Variants in ANKS1B observed in about 807,000 individuals in gnomAD.
ANKS1B encodes ankyrin repeat and sterile alpha motif domain containing 1B.
In ANKS1B, 36 loss-of-function variants were observed where a neutral mutation model predicts 148.3. That is an observed-to-expected ratio of 0.24 (90% confidence interval 0.19 to 0.32). ANKS1B has a LOEUF of 0.32. Among genes scored for constraint, ANKS1B ranks in the 10% least tolerant of loss-of-function variants. The pLI is 1.00. For missense variants in ANKS1B, 1,157 were observed against 1,542.6 expected, an observed-to-expected ratio of 0.75 and a Z score of 4.19; for synonymous variants, 542 against 560.8, an observed-to-expected ratio of 0.97 and a Z score of 0.47.
intron 3 of ANKS1B, among the ~76,000 whole-genome samples, chr12:99,811,285 G>C (rs908271400): frequency 4.0e-5 from 6 of 151,802 alleles, no homozygotes; most frequent in Admixed American, 1.3e-4. Context: ...TGCTTTATTA[G>C]ATATGCTTGC....
intron 8 of ANKS1B, among the ~76,000 whole-genome samples, chr12:99,728,950 C>T (rs564781640): frequency 1.5e-4 from 23 of 151,990 alleles, no homozygotes; most frequent in South Asian, 2.1e-4. Flanking sequence ...ACACATTTAG[C>T]GGACAACAGC....
In ANKS1B at chr12:99,200,146, A is replaced by G. The variant is rs189170751; in HGVS notation, c.2419+44196T>C. Reference sequence around the variant, plus strand: ...TCTAACAAAAGTGGTTCCTGCAAAAAGGAGAGATGGGGCACAACTAGAAGA... The same window carrying G: ...TCTAACAAAAGTGGTTCCTGCAAAAGGGAGAGATGGGGCACAACTAGAAGA... On this transcript the variant is annotated intron_variant, in intron 14 of 26. Coordinates refer to ENST00000683438, the MANE Select transcript of ANKS1B (RefSeq NM_001352186.2). 8.7e-3 allele frequency among the ~76,000 whole-genome samples: 1,321 copies of G among 152,322 alleles called. 22 individuals carry two copies. Among genetic ancestry groups the G allele is most frequent in the African/African-American group, 0.03 (1,267 of 41,562 alleles).
intron 1 of ANKS1B, among the ~76,000 whole-genome samples, chr12:99,909,628 C>G: frequency 6.6e-6 from 1 of 151,896 alleles, no homozygotes; most frequent in Non-Finnish European, 1.5e-5. Context: ...ACTATTTTTC[C>G]ATATTATAAC....
At chr12:99,768,438 T>C (rs930813163) in intron 8 of ANKS1B, among the ~76,000 whole-genome samples, 1 of 152,100 alleles carries the variant, frequency 6.6e-6, no homozygotes, top group African/African-American at 2.4e-5. Flanking sequence ...AGTTTATATG[T>C]TGAAATCCTA....
chr12:99,885,629 G>A (rs1011002873), intron 1 of ANKS1B, among the ~76,000 whole-genome samples: 1 of 152,166 alleles, frequency 6.6e-6, no homozygotes, highest in African/African-American at 2.4e-5. Context: ...GAGCTTAGGC[G>A]TACAAGTAGT....
chr12:99,704,705 G>A lies in ANKS1B; in HGVS notation c.1129-49495C>T, dbSNP rs555888547. On this transcript the variant is annotated intron_variant, in intron 8 of 26. Coordinates refer to ENST00000683438, the MANE Select transcript of ANKS1B (RefSeq NM_001352186.2). ...CTTAATATTGGCATTCCCAAGCCAG[G>A]TCAAGAAAGTAGGAACTGATAAGCT... Among the ~76,000 whole-genome samples, 52 of 152,156 alleles carry A rather than the reference G, an allele frequency of 3.4e-4. 1 individual carries two copies. The highest frequency in any genetic ancestry group is 1.3e-3 in the African/African-American group (52 of 41,526).
At chr12:99,969,187 G>T in intron 1 of ANKS1B, among the ~76,000 whole-genome samples, 1 of 151,980 alleles carries the variant, frequency 6.6e-6, no homozygotes, top group Admixed American at 6.6e-5. Flanking sequence ...GTTTTTGTGG[G>T]GGTTGTTCTG....
intron 9 of ANKS1B, among the ~76,000 whole-genome samples, chr12:99,631,026 C>G (rs1048663469): frequency 6.6e-6 from 1 of 152,152 alleles, no homozygotes; most frequent in Non-Finnish European, 1.5e-5. Context: ...TTCTCCTGTA[C>G]ATGCTCTCTT....
intron 1 of ANKS1B, among the ~76,000 whole-genome samples, chr12:99,880,894 C>A (rs1200742953): frequency 6.6e-6 from 1 of 152,154 alleles, no homozygotes; most frequent in African/African-American, 2.4e-5. Flanking sequence ...ACATAATTTG[C>A]TGATTATTTT....
chr12:99,865,356 C>T (rs929955259), intron 1 of ANKS1B, among the ~76,000 whole-genome samples: 4 of 152,138 alleles, frequency 2.6e-5, no homozygotes, highest in Non-Finnish European at 5.9e-5. Flanking sequence ...CCCCTGGACT[C>T]GTAACTGCCC....
intron 9 of ANKS1B, among the ~76,000 whole-genome samples, chr12:99,651,423 C>A (rs551650615): frequency 6.6e-6 from 1 of 152,076 alleles, no homozygotes; most frequent in Non-Finnish European, 1.5e-5. Context: ...ATACTGGAGA[C>A]CCCCTAAGAA....
At chr12:99,180,090 T>G (rs1028071496) in intron 14 of ANKS1B, among the ~76,000 whole-genome samples, 1 of 152,202 alleles carries the variant, frequency 6.6e-6, no homozygotes, top group African/African-American at 2.4e-5. Flanking sequence ...TAATAATCTG[T>G]GGCTCCCTCA....
At chr12:98,885,039 A>G (rs896908431) in intron 17 of ANKS1B, among the ~76,000 whole-genome samples, 1 of 152,166 alleles carries the variant, frequency 6.6e-6, no homozygotes, top group Admixed American at 6.5e-5. Flanking sequence ...CCCCAAATTT[A>G]GAAGTCATTC....
At chr12:98,899,804 ATTAG>A (rs932707011) in intron 17 of ANKS1B, among the ~76,000 whole-genome samples, 85 of 152,372 alleles carry the variant, frequency 5.6e-4, no homozygotes, top group Non-Finnish European at 1.0e-3. Flanking sequence ...ACTCCAAAAT[ATTAG>A]TTAATTTTTT....
intron 9 of ANKS1B, among the ~76,000 whole-genome samples, chr12:98,736,292 G>A (rs1249928429): frequency 6.6e-6 from 1 of 152,228 alleles, no homozygotes; most frequent in African/African-American, 2.4e-5. Context: ...CAGCAGCAGA[G>A]CTTGTGACAA....
At chr12:99,490,976 T>C (rs2096549328) in intron 10 of ANKS1B, among the ~76,000 whole-genome samples, 1 of 152,236 alleles carries the variant, frequency 6.6e-6, no homozygotes, top group African/African-American at 2.4e-5. Context: ...ATTAATGTTG[T>C]ATGCAGCAGC....
At chr12:98,850,792 A>T (rs540961840) in intron 17 of ANKS1B, among the ~76,000 whole-genome samples, 1 of 151,512 alleles carries the variant, frequency 6.6e-6, no homozygotes, top group African/African-American at 2.4e-5. Flanking sequence ...TAAGATGGAA[A>T]AAAAAAAAAA....
intron 15 of ANKS1B, chr12:99,093,473 T>TGTTTGGGTGTTTTGGGCC (rs2054803982): frequency 6.6e-6 from 1 of 152,206 alleles, no homozygotes; most frequent in African/African-American, 2.4e-5. Flanking sequence ...GCCAACATCG[T>TGTTTGGGTGTTTTGGGCC]ATTTGGGTGT....
intron 15 of ANKS1B, among the ~76,000 whole-genome samples, chr12:99,085,585 T>C (rs2051422106): frequency 1.3e-5 from 2 of 151,976 alleles, no homozygotes; most frequent in African/African-American, 4.8e-5. Context: ...AAATATTGAG[T>C]CACAATAGCA....
Sources: allele counts gnomAD v4.1 joint callset (sites outside exome capture counted in the v4.1 genomes callset), GRCh38; gene constraint gnomAD v4.1.1; transcripts MANE v1.5; gene names NCBI Gene and HGNC (gene_info 2026-07-23, HGNC 2026-07-21).